The following SGCZ variants were observed in gnomAD, a reference collection of about 807,000 sequenced individuals.
The protein encoded by SGCZ is zeta-sarcoglycan.
SGCZ carries 40 observed loss-of-function variants against 41.3 expected under a neutral mutation model. That is an observed-to-expected ratio of 0.97 (90% CI 0.75 to 1.26). The LOEUF is 1.26. Ranked by LOEUF, SGCZ falls within the 50% of genes most tolerant of loss-of-function variation. The probability of loss-of-function intolerance (pLI) is 0.00; values close to 1 mark genes in which losing one functional copy is unlikely to be tolerated. For missense variants in SGCZ, 552 were observed against 369.8 expected (o/e 1.49, Z -4.04); for synonymous variants, 206 against 137.5 (o/e 1.50, Z -3.49).
chr8:14,670,016 A>G (rs1339479945), intron 1 of SGCZ, among the ~76,000 whole-genome samples: 1 of 152,228 alleles, frequency 6.6e-6, no homozygotes, highest in African/African-American at 2.4e-5. Context: ...TTTGGAAGCA[A>G]TAACTAAGTT....
At chr8:14,989,359 G>A (rs1289958209) in intron 1 of SGCZ, among the ~76,000 whole-genome samples, 1 of 152,110 alleles carries the variant, frequency 6.6e-6, no homozygotes, top group East Asian at 1.9e-4. Context: ...GGTGGTGTAT[G>A]CCTATAGTCT....
At chr8:14,416,834 T>C (rs565806178) in intron 2 of SGCZ, among the ~76,000 whole-genome samples, 160 of 152,010 alleles carry the variant, frequency 1.1e-3, no homozygotes, top group Non-Finnish European at 2.0e-3. Flanking sequence ...TCACAGTTTA[T>C]TGAAGATTAA....
intron 1 of SGCZ, among the ~76,000 whole-genome samples, chr8:14,949,552 T>A (rs968277221): frequency 6.6e-6 from 1 of 152,056 alleles, no homozygotes; most frequent in Non-Finnish European, 1.5e-5. Context: ...AAATCAATAC[T>A]TTGGAGATCA....
At chr8:14,715,115 T>C (rs1322112605) in intron 1 of SGCZ, among the ~76,000 whole-genome samples, 1 of 152,166 alleles carries the variant, frequency 6.6e-6, no homozygotes. Context: ...TTGTCTACGA[T>C]GCATATTCAT....
At chr8:14,915,251 A>T (rs1799397687) in intron 1 of SGCZ, among the ~76,000 whole-genome samples, 1 of 152,192 alleles carries the variant, frequency 6.6e-6, no homozygotes, top group Non-Finnish European at 1.5e-5. Flanking sequence ...ATCTATTTGA[A>T]CATGTATATA....
intron 3 of SGCZ, among the ~76,000 whole-genome samples, chr8:14,312,670 A>AGAG (rs898535295): frequency 3.3e-5 from 5 of 151,494 alleles, no homozygotes; most frequent in South Asian, 4.2e-4. Context: ...AGGAGGAGGA[A>AGAG]GAGGAGGAGG....
intron 1 of SGCZ, among the ~76,000 whole-genome samples, chr8:14,845,925 G>C (rs1400808787): frequency 6.6e-6 from 1 of 152,140 alleles, no homozygotes; most frequent in East Asian, 1.9e-4. Context: ...GGTCCTCAAA[G>C]AAGACTATTA....
chr8:14,778,524 A>T lies in SGCZ; in HGVS notation c.40-223598T>A, dbSNP rs552025216. 1.0e-4 allele frequency among the ~76,000 whole-genome samples: 12 copies of T among 117,402 alleles called. No individual in the cohort carries two copies. The South Asian group carries it at 2.0e-3, about 19-fold the overall frequency. 77.0% of individuals were successfully genotyped at this position (117,402 alleles called of 152,430 possible). A position where few individuals can be genotyped will look rare whatever the true frequency, so the allele number is the denominator to read the frequency against. ...ATTTCTGTTCATCTAAAGACACCTT[A>T]AAAAAAAACAGAAAAGACAGTGTAT... On this transcript the variant is annotated intron_variant, in intron 1 of 7. Coordinates refer to ENST00000382080, the MANE Select transcript of SGCZ (RefSeq NM_139167.4).
At chr8:14,844,540 TG>T (rs1214726358) in intron 1 of SGCZ, among the ~76,000 whole-genome samples, 1 of 152,140 alleles carries the variant, frequency 6.6e-6, no homozygotes, top group Non-Finnish European at 1.5e-5. Flanking sequence ...GAAAATTGTT[TG>T]CCATAGTATG....
chr8:14,326,224 G>T (rs528277440), intron 2 of SGCZ, among the ~76,000 whole-genome samples: 4 of 151,662 alleles, frequency 2.6e-5, no homozygotes, highest in Non-Finnish European at 4.4e-5. Context: ...TAAATTCTTG[G>T]ATGATGTCAA....
intron 1 of SGCZ, among the ~76,000 whole-genome samples, chr8:14,679,081 A>G (rs994017105): frequency 6.6e-6 from 1 of 152,182 alleles, no homozygotes; most frequent in Non-Finnish European, 1.5e-5. Context: ...TCGTAAACTC[A>G]TAGTGCATGG....
intron 1 of SGCZ, among the ~76,000 whole-genome samples, chr8:14,759,185 T>C (rs528495079): frequency 4.5e-4 from 69 of 152,074 alleles, no homozygotes; most frequent in Admixed American, 9.8e-4. Context: ...ACAATTTACA[T>C]CTATGCATGT....
At chr8:14,610,041 T>C (rs1018773845) in intron 1 of SGCZ, among the ~76,000 whole-genome samples, 2 of 152,180 alleles carry the variant, frequency 1.3e-5, no homozygotes, top group African/African-American at 4.8e-5. Flanking sequence ...TTTAAATCAA[T>C]TGATATTAAT....
At chr8:14,648,122 C>A (rs1393435202) in intron 1 of SGCZ, among the ~76,000 whole-genome samples, 3 of 151,988 alleles carry the variant, frequency 2.0e-5, no homozygotes, top group Non-Finnish European at 4.4e-5. Flanking sequence ...GCACCACCTC[C>A]TTAAAAGTTA....
chr8:14,624,555 A>ATTATTATTATTTTTTTTTTT (rs1438250019), intron 1 of SGCZ, among the ~76,000 whole-genome samples: 1 of 96,268 alleles, frequency 1.0e-5, no homozygotes, highest in East Asian at 3.8e-4. Context: ...TATTATTATT[A>ATTATTATTATTTTTTTTTTT]TTTTTTTTTT....
chr8:14,465,328 T>G (rs1462135261), intron 2 of SGCZ, among the ~76,000 whole-genome samples: 1 of 151,746 alleles, frequency 6.6e-6, no homozygotes, highest in Non-Finnish European at 1.5e-5. Context: ...GTCCTTTTCT[T>G]GTGGAACCTT....
At chr8:14,374,730 C>G (rs1804050716) in intron 2 of SGCZ, among the ~76,000 whole-genome samples, 1 of 151,978 alleles carries the variant, frequency 6.6e-6, no homozygotes, top group Non-Finnish European at 1.5e-5. Context: ...TGGTCTTTTT[C>G]TAATGGAGAA....
intron 1 of SGCZ, among the ~76,000 whole-genome samples, chr8:14,783,204 T>C (rs761562670): frequency 1.3e-5 from 2 of 151,880 alleles, no homozygotes; most frequent in African/African-American, 2.4e-5. Flanking sequence ...GAGGCCGAGG[T>C]GGGCGGATCA....
chr8:15,196,908 G>A (rs1309630633), intron 1 of SGCZ, among the ~76,000 whole-genome samples: 6 of 152,218 alleles, frequency 3.9e-5, no homozygotes, highest in African/African-American at 1.4e-4. Flanking sequence ...GTTGGCAGCT[G>A]GAGCCCGTAT....
Sources: gnomAD v4.1 joint callset for allele counts (sites outside exome capture counted in the v4.1 genomes callset) on GRCh38, gnomAD v4.1.1 for gene constraint, MANE v1.5 for transcripts, NCBI Gene and HGNC (gene_info 2026-07-23, HGNC 2026-07-21) for gene names.